The following CEMIP variants were observed in gnomAD, a reference collection of about 807,000 sequenced individuals.
The protein encoded by CEMIP is cell migration inducing hyaluronidase 1.
CEMIP carries 105 observed loss-of-function variants against 156.9 expected under a neutral mutation model. The ratio of observed to expected loss-of-function variants is 0.67; its 90% CI spans 0.57 to 0.79. CEMIP has a LOEUF of 0.79. CEMIP is among the 30% of genes least tolerant of loss of function. CEMIP has a pLI of 0.00. For missense variants in CEMIP, 1,457 were observed against 1,769.4 expected, an observed-to-expected ratio of 0.82 and a Z score of 3.17; for synonymous variants, 676 against 668.4, an observed-to-expected ratio of 1.01 and a Z score of -0.17.
intron 3 of CEMIP, among the ~76,000 whole-genome samples, 158 bp downstream of exon 3, chr15:80,874,131 G>A (rs1015147773): frequency 2.0e-5 from 3 of 152,220 alleles, no homozygotes; most frequent in African/African-American, 7.2e-5. Flanking sequence ...CTTGGTCCCC[G>A]GCACGTTTCG....
chr15:80,806,960 C>T (rs1173252433), intron 1 of CEMIP, among the ~76,000 whole-genome samples: 7 of 152,186 alleles, frequency 4.6e-5, no homozygotes, highest in African/African-American at 7.2e-5. Context: ...AGTTCTGCTG[C>T]GTTTAAGATA....
intron 18 of CEMIP, 89 bp downstream of exon 18, chr15:80,924,795 A>G (rs1900598676): frequency 8.7e-7 from 1 of 1,150,064 alleles, no homozygotes; most frequent in African/African-American, 1.5e-5. Context: ...TCATTCCCTG[A>G]GCATCTGTTG....
intron 14 of CEMIP, among the ~76,000 whole-genome samples, chr15:80,918,112 C>G (rs1162378843): frequency 6.6e-6 from 1 of 151,912 alleles, no homozygotes; most frequent in Non-Finnish European, 1.5e-5. Flanking sequence ...CCATCTCTAC[C>G]AAAAATACAA....
chr15:80,779,718 G>C (rs1375492216), intron 1 of CEMIP, 104 bp downstream of exon 1: 1 of 152,392 alleles, frequency 6.6e-6, no homozygotes, highest in Non-Finnish European at 1.5e-5. Flanking sequence ...CAGGGTAAAC[G>C]TTACCCGCCT....
chr15:80,872,019 C>G (rs978583407), intron 1 of CEMIP, among the ~76,000 whole-genome samples: 1 of 152,170 alleles, frequency 6.6e-6, no homozygotes, highest in Non-Finnish European at 1.5e-5. Context: ...TCCTCCCTCC[C>G]CCGGCCTCCC....
chr15:80,879,509 T>C (rs984546182), intron 4 of CEMIP, among the ~76,000 whole-genome samples: 12 of 152,184 alleles, frequency 7.9e-5, no homozygotes, highest in African/African-American at 2.9e-4. Context: ...TGGAGTTTGG[T>C]ATCTGGGAGG....
At position 80,929,159 on chromosome 15, in the gene CEMIP, C is replaced by A. The variant is rs760258530; in HGVS notation, c.2597C>A (p.Thr866Asn). The A allele has an allele frequency of 1.2e-6, 2 of 1,614,164 alleles. No individual in the cohort carries two copies. Among genetic ancestry groups the A allele is most frequent in the South Asian group, 1.1e-5 (1 of 91,074 alleles). Residue 866 changes from threonine (T) to asparagine (N), a missense_variant, in exon 21 of 30, where the codon ACC (threonine) becomes AAC (asparagine). This residue lies in a region of CEMIP where 798 missense variants were observed against 980.1 expected (regional missense o/e 0.81). Coordinates refer to ENST00000394685, the MANE Select transcript of CEMIP (RefSeq NM_001293298.2). ...GGCGGCTTGGACCATAGCGGAAGGA[C>A]CCTCCCTATAGGCCAGTAGGTTTGC... ...GPGGLDHSGR[T>N]LPIGQNFPIR... is the part of the protein sequence containing the mutation.
Position 80,932,657 on chromosome 15 carries a change from A to G in CEMIP, c.2794-588A>G, listed in dbSNP as rs1900966782. ...GCTCCTGCCTTTTGCCTGTTTGCCC[A>G]GTTCCTGGCAGGCTGAGGGAAACGA... On this transcript the variant is annotated intron_variant, in intron 22 of 29. Transcript: ENST00000394685. This position sits in a 1 kb window ranked among gnomAD's most constrained non-coding sequence, Gnocchi z 4.5. Among the ~76,000 whole-genome samples the G allele has an allele frequency of 6.6e-6, 1 of 152,078 alleles. No homozygotes were observed. The highest frequency in any genetic ancestry group is 2.1e-4 in the South Asian group (1 of 4,822).
intron 14 of CEMIP, among the ~76,000 whole-genome samples, chr15:80,919,401 G>T (rs954661696): frequency 6.6e-6 from 1 of 152,162 alleles, no homozygotes; most frequent in African/African-American, 2.4e-5. Flanking sequence ...GTGGGTGCAC[G>T]TGGCCCAGCC....
In CEMIP at chr15:80,932,853, AGT is replaced by A. The variant is rs561374860; in HGVS notation, c.2794-385_2794-384del. Among the ~76,000 whole-genome samples the A allele has an allele frequency of 5.5e-4, 83 of 152,122 alleles. No homozygotes were observed. Among genetic ancestry groups the A allele is most frequent in the African/African-American group, 1.9e-3 (80 of 41,428 alleles). On this transcript the variant is annotated intron_variant, in intron 22 of 29. Coordinates refer to ENST00000394685, the MANE Select transcript of CEMIP (RefSeq NM_001293298.2). This position sits in a 1 kb window ranked among gnomAD's most constrained non-coding sequence, Gnocchi z 4.5. ...GTGTATGTGTGTGTGTATGTGTAAA[AGT>A]GTGTGTACCCTTTCTCATACACACA...
chr15:80,885,105 T>C (rs1249895576), intron 7 of CEMIP, among the ~76,000 whole-genome samples: 1 of 152,178 alleles, frequency 6.6e-6, no homozygotes, highest in Non-Finnish European at 1.5e-5. Flanking sequence ...CAGTGTGTGT[T>C]GTTCCCCTCC....
chr15:80,879,140 T>C (rs1898562133), intron 4 of CEMIP, among the ~76,000 whole-genome samples: 1 of 152,216 alleles, frequency 6.6e-6, no homozygotes. Flanking sequence ...GGCCTGGTCA[T>C]TGAATGCAGT....
chr15:80,789,188 G>A (rs1242294919), intron 1 of CEMIP, among the ~76,000 whole-genome samples: 1 of 152,156 alleles, frequency 6.6e-6, no homozygotes, highest in Non-Finnish European at 1.5e-5. Flanking sequence ...GCAGAGATCA[G>A]TACCAGAGAC....
chr15:80,908,959 A>T, intron 13 of CEMIP, 138 bp from the exon 14 acceptor site: 2 of 843,922 alleles, frequency 2.4e-6, no homozygotes, highest in South Asian at 2.9e-5. Flanking sequence ...CCATTTGCAG[A>T]GAATATCTTT....
At chr15:80,878,362 A>G (rs377743942) in intron 3 of CEMIP, among the ~76,000 whole-genome samples, 19 of 152,234 alleles carry the variant, frequency 1.2e-4, no homozygotes, top group East Asian at 5.8e-4. Flanking sequence ...GCTTTCCAGA[A>G]GACAGAATGT....
intron 1 of CEMIP, among the ~76,000 whole-genome samples, chr15:80,826,251 A>G (rs934459057): frequency 6.6e-6 from 1 of 152,204 alleles, no homozygotes; most frequent in Non-Finnish European, 1.5e-5. Context: ...TCAAGTTACC[A>G]GTCTGGGCAT....
chr15:80,840,823 C>T (rs1897394065), intron 1 of CEMIP, among the ~76,000 whole-genome samples: 1 of 152,200 alleles, frequency 6.6e-6, no homozygotes, highest in Admixed American at 6.5e-5. Context: ...TTAGGAACAC[C>T]AGCAGGCTTT....
intron 26 of CEMIP, 69 bp downstream of exon 26, chr15:80,942,122 G>A: frequency 6.5e-7 from 1 of 1,540,698 alleles, no homozygotes; most frequent in South Asian, 1.1e-5. Context: ...TTGCCGTCCA[G>A]TCGGGCCCAG....
At chr15:80,818,716 C>G (rs184923433) in intron 1 of CEMIP, among the ~76,000 whole-genome samples, 1 of 152,328 alleles carries the variant, frequency 6.6e-6, no homozygotes, top group Non-Finnish European at 1.5e-5. Context: ...CCAACTCCCA[C>G]TGATTGTTGG....
Sources: allele counts gnomAD v4.1 joint callset (sites outside exome capture counted in the v4.1 genomes callset), GRCh38; gene constraint gnomAD v4.1.1; regional missense constraint gnomAD v4.1.1; non-coding constraint Gnocchi (gnomAD v3.1); transcripts MANE v1.5; gene names NCBI Gene and HGNC (gene_info 2026-07-23, HGNC 2026-07-21).